The following FGF14 variants were observed in gnomAD, a reference collection of about 807,000 sequenced individuals.
FGF14 encodes the protein fibroblast growth factor homologous factor 4.
FGF14 carries 5 observed loss-of-function variants against 25.5 expected under a neutral mutation model. The ratio of observed to expected loss-of-function variants is 0.20; its 90% CI spans 0.10 to 0.41. The LOEUF (loss-of-function observed/expected upper bound fraction) is 0.41. Ranked by LOEUF, FGF14 falls within the 10% of genes least tolerant of loss-of-function variation. The pLI, the probability that FGF14 is intolerant of heterozygous loss-of-function variation, is 1.00. For synonymous variants in FGF14, 138 were observed against 118.3 expected (o/e 1.17, Z -1.08); for missense variants, 222 against 320.1 (o/e 0.69, Z 2.34).
At chr13:101,778,542 A>G (rs188362859) in intron 3 of FGF14, among the ~76,000 whole-genome samples, 60 of 152,144 alleles carry the variant, frequency 3.9e-4, no homozygotes, top group African/African-American at 1.3e-3. Flanking sequence ...GCTCCTTGGT[A>G]CCTGTTTTGC....
At chr13:101,883,511 A>G (rs186973913) in intron 1 of FGF14, among the ~76,000 whole-genome samples, 42 of 152,302 alleles carry the variant, frequency 2.8e-4, no homozygotes, top group African/African-American at 1.0e-3. Flanking sequence ...GGAATTTACA[A>G]CCAAAGCAGA....
intron 1 of FGF14, among the ~76,000 whole-genome samples, chr13:102,057,976 TTTA>T (rs1462816444): frequency 1.8e-4 from 28 of 152,214 alleles, no homozygotes; most frequent in Admixed American, 1.7e-3. Flanking sequence ...ATCACATTAC[TTTA>T]TTATTGTTGT....
intron 1 of FGF14, among the ~76,000 whole-genome samples, chr13:102,345,169 C>T (rs1451177190): frequency 6.6e-6 from 1 of 152,158 alleles, no homozygotes; most frequent in Non-Finnish European, 1.5e-5. Context: ...TACCTACTTA[C>T]TCAGGTATAT....
chr13:101,764,682 G>A (rs1035629740), intron 3 of FGF14, among the ~76,000 whole-genome samples: 1 of 152,120 alleles, frequency 6.6e-6, no homozygotes, highest in Non-Finnish European at 1.5e-5. Flanking sequence ...TAGGCTTAGT[G>A]GGATTCCTGG....
At chr13:101,781,789 C>G (rs894571615) in intron 3 of FGF14, among the ~76,000 whole-genome samples, 1 of 152,120 alleles carries the variant, frequency 6.6e-6, no homozygotes, top group Admixed American at 6.6e-5. Context: ...AGTTTACAGA[C>G]TTGTTGATTT....
At chr13:101,788,965 G>GAC (rs1566904055) in intron 3 of FGF14, among the ~76,000 whole-genome samples, 106 of 80,592 alleles carry the variant, frequency 1.3e-3, no homozygotes, top group Non-Finnish European at 2.3e-3. Context: ...GAGAGAGAGA[G>GAC]AGAGACAGAG....
chr13:102,272,970 G>T (rs1184394240), intron 1 of FGF14, among the ~76,000 whole-genome samples: 1 of 152,088 alleles, frequency 6.6e-6, no homozygotes, highest in Non-Finnish European at 1.5e-5. Flanking sequence ...GTTCACAGAA[G>T]ATTTTTTAAA....
At chr13:102,249,549 G>GGTGTGTGTGTGT (rs55773652) in intron 1 of FGF14, among the ~76,000 whole-genome samples, 60 of 150,396 alleles carry the variant, frequency 4.0e-4, no homozygotes, top group African/African-American at 1.5e-3. Context: ...TACTGAGAGG[G>GGTGTGTGTGTGT]GTGTGTGTGT....
At position 101,968,019 on chromosome 13, in the gene FGF14, T is replaced by C. The variant is rs17631426; in HGVS notation, c.209-92723A>G. Among the ~76,000 whole-genome samples the C allele has an allele frequency of 4.7e-3, 711 of 152,328 alleles. 14 individuals are homozygous for C. Among genetic ancestry groups the C allele is most frequent in the East Asian group, 0.041 (213 of 5,188 alleles). ...GGTCAATGGTCATGCTGTAAATTTG[T>C]AGCTCTCTGCTAACACTTGAAAATA... On this transcript the variant is annotated intron_variant, in intron 1 of 4. Coordinates refer to the FGF14 transcript ENST00000376131.
At chr13:102,219,708 T>C (rs571078560) in intron 1 of FGF14, among the ~76,000 whole-genome samples, 265 of 152,296 alleles carry the variant, frequency 1.7e-3, no homozygotes, top group Non-Finnish European at 2.8e-3. Flanking sequence ...CAATTCACAG[T>C]TCTGAATTCT....
At chr13:101,992,218 G>A (rs1263693699) in intron 1 of FGF14, among the ~76,000 whole-genome samples, 4 of 152,070 alleles carry the variant, frequency 2.6e-5, no homozygotes, top group African/African-American at 9.7e-5. Context: ...TATTTTAAAA[G>A]TCTTTTGGGA....
intron 1 of FGF14, among the ~76,000 whole-genome samples, chr13:102,201,102 CAAAAAAAAAAAAAAAAAA>C (rs60149871): frequency 3.2e-5 from 2 of 62,690 alleles, no homozygotes; most frequent in Non-Finnish European, 5.5e-5. Flanking sequence ...CTCCGTCTCT[CAAAAAAAAAAAAAAAAAA>C]AAAAAAAAAA....
intron 1 of FGF14, among the ~76,000 whole-genome samples, chr13:102,236,066 G>A (rs2051314201): frequency 6.6e-6 from 1 of 152,190 alleles, no homozygotes; most frequent in African/African-American, 2.4e-5. Context: ...CTTTGTAGTA[G>A]AGCACACCTT....
intron 1 of FGF14, among the ~76,000 whole-genome samples, chr13:102,134,874 C>T (rs190045426): frequency 1.0e-3 from 159 of 152,220 alleles, no homozygotes; most frequent in African/African-American, 3.7e-3. Flanking sequence ...AATGTAGCCT[C>T]GGGCCAAATT....
At position 102,352,584 on chromosome 13, in the gene FGF14, G is replaced by A. The variant is rs543428962; in HGVS notation, c.208+48887C>T. 1.1e-4 allele frequency among the ~76,000 whole-genome samples: 17 copies of A among 152,152 alleles called. No homozygotes were observed. In the South Asian group the frequency reaches 2.9e-3, roughly 26 times the overall value. Reference sequence around the variant, plus strand: ...TCCCAGCACGTTGGGAGGCCGAGGCGGGCGGATCACGAGGTCAGGAGATCG... The same window carrying A: ...TCCCAGCACGTTGGGAGGCCGAGGCAGGCGGATCACGAGGTCAGGAGATCG... On this transcript the variant is annotated intron_variant, in intron 1 of 4. Transcript: ENST00000376131.
At chr13:102,108,363 G>A (rs1016913163) in intron 1 of FGF14, among the ~76,000 whole-genome samples, 3 of 152,100 alleles carry the variant, frequency 2.0e-5, no homozygotes, top group East Asian at 1.9e-4. Flanking sequence ...GCATATGTTC[G>A]TATTCCTAAC....
chr13:102,173,279 G>A (rs1020214848), intron 1 of FGF14, among the ~76,000 whole-genome samples: 1 of 152,054 alleles, frequency 6.6e-6, no homozygotes, highest in Non-Finnish European at 1.5e-5. Context: ...AAGTAATGAG[G>A]AGATATCACC....
intron 1 of FGF14, among the ~76,000 whole-genome samples, chr13:102,091,299 T>C (rs937002402): frequency 6.6e-6 from 1 of 152,088 alleles, no homozygotes; most frequent in Non-Finnish European, 1.5e-5. Context: ...CAAACTACAT[T>C]CTGCTTGCCA....
At chr13:101,955,302 A>T (rs533810079) in intron 1 of FGF14, among the ~76,000 whole-genome samples, 2 of 152,230 alleles carry the variant, frequency 1.3e-5, no homozygotes, top group Non-Finnish European at 2.9e-5. Context: ...CTACACTGCA[A>T]TTGGGTTTAG....
Sources: gnomAD v4.1 joint callset for allele counts (sites outside exome capture counted in the v4.1 genomes callset) on GRCh38, gnomAD v4.1.1 for gene constraint, MANE v1.5 for transcripts, NCBI Gene and HGNC (gene_info 2026-07-23, HGNC 2026-07-21) for gene names.